Variants in CAMSAP2 observed in about 807,000 individuals in gnomAD.
The protein encoded by CAMSAP2 is calmodulin-regulated spectrin-associated protein 2.
In CAMSAP2, 26 loss-of-function variants were observed where a neutral mutation model predicts 146.1. The observed-to-expected ratio is 0.18, with a 90% CI of 0.13 to 0.25. The LOEUF is 0.25. Ranked by LOEUF, CAMSAP2 falls within the 10% of genes least tolerant of loss-of-function variation. The pLI is 1.00. For synonymous variants in CAMSAP2, 499 were observed against 596.6 expected (o/e 0.84, Z 2.38); for missense variants, 1,381 against 1,759.3 (o/e 0.78, Z 3.85).
intron 2 of CAMSAP2, among the ~76,000 whole-genome samples, chr1:200,775,915 T>G (rs1294748252): frequency 6.6e-6 from 1 of 151,958 alleles, no homozygotes; most frequent in Non-Finnish European, 1.5e-5. Flanking sequence ...ATAACTTTAG[T>G]AAGTACAGAG....
chr1:200,841,428 A>G (rs952104097), intron 6 of CAMSAP2, among the ~76,000 whole-genome samples: 8 of 152,142 alleles, frequency 5.3e-5, no homozygotes, highest in Admixed American at 3.9e-4. Context: ...TTGTATCTTT[A>G]GTAGAGACGG....
intron 6 of CAMSAP2, among the ~76,000 whole-genome samples, chr1:200,836,747 A>G (rs1257431869): frequency 1.3e-5 from 2 of 152,070 alleles, no homozygotes; most frequent in Non-Finnish European, 2.9e-5. Flanking sequence ...AACTTTGTCA[A>G]CACCTATTAT....
At chr1:200,791,609 A>G (rs760320322) in intron 2 of CAMSAP2, among the ~76,000 whole-genome samples, 1 of 152,176 alleles carries the variant, frequency 6.6e-6, no homozygotes, top group Non-Finnish European at 1.5e-5. Context: ...GAAGTTGAGA[A>G]CAGGAAAATC....
chr1:200,847,198 T>G lies in CAMSAP2; in HGVS notation c.1110-12T>G. The G allele has an allele frequency of 6.3e-7, 1 of 1,584,620 alleles. No homozygotes were observed. Among genetic ancestry groups the G allele is most frequent in the Non-Finnish European group, 8.6e-7 (1 of 1,161,696 alleles). Reference sequence around the variant, plus strand: ...CTAAAATATAACATTTTAAATTTATTTTCCATTGCAGTGGGGAAGGAGCTA... The same window carrying G: ...CTAAAATATAACATTTTAAATTTATGTTCCATTGCAGTGGGGAAGGAGCTA... On this transcript the variant is annotated splice_polypyrimidine_tract_variant and intron_variant, in intron 8 of 16. Transcript: ENST00000358823.
chr1:200,840,117 C>T (rs905795946), intron 6 of CAMSAP2, among the ~76,000 whole-genome samples: 1 of 152,174 alleles, frequency 6.6e-6, no homozygotes, highest in Non-Finnish European at 1.5e-5. Flanking sequence ...GACTCTTACA[C>T]TCAGCCACCT....
chr1:200,857,960 A>C lies in CAMSAP2; in HGVS notation c.4338A>C (p.Lys1446Asn), dbSNP rs750277438. 6.2e-7 allele frequency: 1 copy of C among 1,613,910 alleles called. No individual in the cohort carries two copies. The highest frequency in any genetic ancestry group is 8.5e-7 in the Non-Finnish European group (1 of 1,179,828). ...AACAGTTTAGCCACATACCCGCTAA[A>C]ACTTTATCTGCCAGTGTTGATGCAA... ...DRKQFSHIPA[K>N]TLSASVDAIT... is the part of the protein sequence containing the mutation. Residue 1446 changes from lysine to asparagine, a missense_variant, in exon 17 of 17, where the codon AAA becomes AAC. Around this residue, in one of 4 missense-constraint regions of CAMSAP2, gnomAD observed 90 missense variants for 174.4 expected, o/e 0.52. Transcript: ENST00000358823. This position sits in a 1 kb window ranked among gnomAD's most constrained non-coding sequence, Gnocchi z 4.7.
chr1:200,740,958 T>C (rs189182063), intron 1 of CAMSAP2, among the ~76,000 whole-genome samples: 1 of 152,234 alleles, frequency 6.6e-6, no homozygotes, highest in South Asian at 2.1e-4. Flanking sequence ...AAATATTTGT[T>C]GAAAAGTTCC....
At chr1:200,808,789 T>C (rs1446038702) in intron 3 of CAMSAP2, among the ~76,000 whole-genome samples, 2 of 152,236 alleles carry the variant, frequency 1.3e-5, no homozygotes, top group Admixed American at 6.5e-5. Flanking sequence ...TTATGACTTA[T>C]AAACTATTGA....
Position 200,848,289 on chromosome 1 carries a change from A to C in CAMSAP2, c.1520A>C (p.Asn507Thr). The C allele has an allele frequency of 6.2e-7, 1 of 1,613,458 alleles. No individual in the cohort carries two copies. Among genetic ancestry groups the C allele is most frequent in the Non-Finnish European group, 8.5e-7 (1 of 1,179,738 alleles). Reference sequence around the variant, plus strand: ...AAATCTTGTGTGCCCCTTAACACAAATGAACTAAATTCTAATGAGAATATT... The same window carrying C: ...AAATCTTGTGTGCCCCTTAACACAACTGAACTAAATTCTAATGAGAATATT... ...DLKSCVPLNT[N>T]ELNSNENIHY... Residue 507 changes from asparagine (N) to threonine (T), a missense_variant, in exon 11 of 17, where the codon AAT becomes ACT. Physicochemically the swap from Asn to Thr is moderately conservative, Grantham distance 65 (BLOSUM62 0). Coordinates refer to ENST00000358823, the MANE Select transcript of CAMSAP2 (RefSeq NM_203459.4).
At chr1:200,750,901 C>CTT (rs55953656) in intron 1 of CAMSAP2, among the ~76,000 whole-genome samples, 49 of 91,588 alleles carry the variant, frequency 5.4e-4, no homozygotes, top group African/African-American at 1.8e-3. Context: ...CCGCGCCTGC[C>CTT]TTTTTTTTTT....
intron 6 of CAMSAP2, among the ~76,000 whole-genome samples, chr1:200,835,880 ATTTG>A (rs1481813841): frequency 6.6e-6 from 1 of 152,180 alleles, no homozygotes; most frequent in Non-Finnish European, 1.5e-5. Flanking sequence ...ATAAGATTGC[ATTTG>A]TTTAAGTTGG....
At chr1:200,759,317 T>C (rs946440424) in intron 1 of CAMSAP2, among the ~76,000 whole-genome samples, 1 of 151,600 alleles carries the variant, frequency 6.6e-6, no homozygotes, top group Non-Finnish European at 1.5e-5. Flanking sequence ...TTCACTCTTG[T>C]TGCCCAAGCT....
rs555242018 is a variant in CAMSAP2 at position 200,771,878 on chromosome 1, TCTTC to T, written c.399+10784_399+10787del. ...TGCTTTCTGAGCTTAGTGTTTTGGC[TCTTC>T]CTTAGATTCTGTGAACTACTTTAGT... On this transcript the variant is annotated intron_variant, in intron 2 of 16. Transcript: ENST00000358823. Among the ~76,000 whole-genome samples the T allele has an allele frequency of 1.6e-4, 24 of 152,324 alleles. No homozygotes were observed. In the South Asian group the frequency reaches 2.3e-3, roughly 14 times the overall value.
intron 15 of CAMSAP2, 70 bp downstream of exon 15, chr1:200,856,195 A>G (rs1413773386): frequency 9.0e-7 from 1 of 1,115,022 alleles, no homozygotes; most frequent in Non-Finnish European, 1.3e-6. Flanking sequence ...TGTACTAAAG[A>G]AAATTTTATT....
chr1:200,756,456 G>GA (rs1664656104), intron 1 of CAMSAP2, among the ~76,000 whole-genome samples: 1 of 144,506 alleles, frequency 6.9e-6, no homozygotes, highest in South Asian at 2.2e-4. Context: ...CTTTCTCAAA[G>GA]AAAAAAAGAA....
At chr1:200,751,929 TAGC>T (rs1297674866) in intron 1 of CAMSAP2, among the ~76,000 whole-genome samples, 1 of 152,134 alleles carries the variant, frequency 6.6e-6, no homozygotes, top group African/African-American at 2.4e-5. Flanking sequence ...CATTTGGAAA[TAGC>T]AGAGTTGTGG....
chr1:200,778,867 T>C (rs187223822), intron 2 of CAMSAP2, among the ~76,000 whole-genome samples: 3 of 151,516 alleles, frequency 2.0e-5, no homozygotes, highest in Non-Finnish European at 4.4e-5. Flanking sequence ...GTCCAAGCCA[T>C]TTTTTTTGCA....
intron 4 of CAMSAP2, chr1:200,828,487 A>T: frequency 1.6e-6 from 2 of 1,268,932 alleles, no homozygotes; most frequent in Non-Finnish European, 2.2e-6. Context: ...CAGAAGCTTT[A>T]CTATAATTTG....
intron 6 of CAMSAP2, among the ~76,000 whole-genome samples, chr1:200,837,559 CT>C (rs1667216117): frequency 6.6e-6 from 1 of 152,000 alleles, no homozygotes; most frequent in Admixed American, 6.6e-5. Flanking sequence ...TATTCAGGTT[CT>C]TTTTTGGTTC....
Sources: allele counts gnomAD v4.1 joint callset (sites outside exome capture counted in the v4.1 genomes callset), GRCh38; gene constraint gnomAD v4.1.1; regional missense constraint gnomAD v4.1.1; non-coding constraint Gnocchi (gnomAD v3.1); transcripts MANE v1.5; gene names NCBI Gene and HGNC (gene_info 2026-07-23, HGNC 2026-07-21).